The following UNC13C variants were observed in gnomAD, a reference collection of about 807,000 sequenced individuals.
UNC13C encodes protein unc-13 homolog C.
Under a neutral mutation model 245.4 loss-of-function variants are expected in UNC13C, and 174 were observed. The observed-to-expected ratio is 0.71, with a 90% CI of 0.63 to 0.80. UNC13C has a LOEUF of 0.80. Ranked by LOEUF, UNC13C falls within the 30% of genes least tolerant of loss-of-function variation. The probability of loss-of-function intolerance (pLI) is 0.00; values close to 1 mark genes in which losing one functional copy is unlikely to be tolerated. For missense variants in UNC13C, 2,829 were observed against 2,602.9 expected, an observed-to-expected ratio of 1.09 and a Z score of -1.89; for synonymous variants, 992 against 895.1, an observed-to-expected ratio of 1.11 and a Z score of -1.93.
chr15:54,186,890 C>A (rs541654776), intron 4 of UNC13C, among the ~76,000 whole-genome samples: 163 of 138,278 alleles, frequency 1.2e-3, no homozygotes, highest in African/African-American at 4.1e-3. Flanking sequence ...GCTCTGTCAC[C>A]GAGGCTGGAG....
chr15:54,098,137 A>G (rs1899971373), intron 2 of UNC13C, among the ~76,000 whole-genome samples: 1 of 152,152 alleles, frequency 6.6e-6, no homozygotes, highest in African/African-American at 2.4e-5. Flanking sequence ...GCTAAAGCAC[A>G]TCCTCCACTT....
intron 30 of UNC13C, among the ~76,000 whole-genome samples, chr15:54,568,814 TG>T (rs1897624995): frequency 6.6e-6 from 1 of 152,178 alleles, no homozygotes; most frequent in African/African-American, 2.4e-5. Flanking sequence ...GACTCATCAT[TG>T]TTTCCTCTTG....
chr15:54,624,928 T>C (rs953120942), intron 32 of UNC13C, among the ~76,000 whole-genome samples: 7 of 152,158 alleles, frequency 4.6e-5, no homozygotes, highest in Non-Finnish European at 1.0e-4. Context: ...GCTATTACCA[T>C]ACTTATGCCT....
the UNC13C span, chr15:53,968,171 G>A: frequency 1.3e-5 from 2 of 152,142 alleles, no homozygotes; most frequent in Non-Finnish European, 2.9e-5. Flanking sequence ...AGGGAAAGGT[G>A]ATCCAACTCA....
At chr15:53,949,904 A>T in the UNC13C span, among the ~76,000 whole-genome samples, 1 of 152,224 alleles carries the variant, frequency 6.6e-6, no homozygotes, top group Non-Finnish European at 1.5e-5. Context: ...TCTTATAATA[A>T]ATTCAGGTTT....
rs761666317 is a variant in UNC13C at position 54,511,812 on chromosome 15, A to G, written c.5439A>G (p.Glu1813=). Residue 1813 remains glutamate (E), a synonymous_variant, in exon 24 of 33, where the codon GAA becomes GAG. Coordinates refer to ENST00000260323, the MANE Select transcript of UNC13C (RefSeq NM_001080534.3). ...QLRVQLEKMF[E]SMGGKELDSE... is the part of the protein sequence containing the mutation. ...GGGTCCAGCTGGAAAAAATGTTTGA[A>G]TCCATGGGAGGGAAGGAGGTGGGTA... 6.2e-7 allele frequency: 1 copy of G among 1,609,504 alleles called. No homozygotes were observed. Among genetic ancestry groups the G allele is most frequent in the South Asian group, 1.1e-5 (1 of 90,134 alleles).
chr15:54,196,107 G>T (rs2141335521), intron 4 of UNC13C, among the ~76,000 whole-genome samples: 1 of 152,208 alleles, frequency 6.6e-6, no homozygotes, highest in East Asian at 1.9e-4. Context: ...ATGAATAGGA[G>T]ATGAGGTTTA....
At chr15:53,928,188 G>A in the UNC13C span, among the ~76,000 whole-genome samples, 1 of 152,034 alleles carries the variant, frequency 6.6e-6, no homozygotes, top group African/African-American at 2.4e-5. Context: ...TGAGAGCCCC[G>A]AACAGAGATA....
the UNC13C span, among the ~76,000 whole-genome samples, chr15:53,852,240 T>A: frequency 6.6e-6 from 1 of 152,178 alleles, no homozygotes; most frequent in Non-Finnish European, 1.5e-5. Context: ...CCCCACACAT[T>A]TGGTCACAGT....
At chr15:54,405,402 C>A (rs905275496) in intron 18 of UNC13C, among the ~76,000 whole-genome samples, 4 of 152,098 alleles carry the variant, frequency 2.6e-5, no homozygotes, top group African/African-American at 7.2e-5. Flanking sequence ...AGCAAATATG[C>A]AGATGGTATA....
intron 1 of UNC13C, among the ~76,000 whole-genome samples, chr15:53,986,044 A>G (rs999632434): frequency 6.6e-6 from 1 of 152,080 alleles, no homozygotes; most frequent in African/African-American, 2.4e-5. Flanking sequence ...AATTATGGAA[A>G]GAAATCCAGG....
intron 17 of UNC13C, among the ~76,000 whole-genome samples, chr15:54,363,676 G>A (rs1180987441): frequency 2.0e-5 from 3 of 152,296 alleles, no homozygotes; most frequent in African/African-American, 7.2e-5. Context: ...ACTAATTGGA[G>A]GGGTGAGACT....
At chr15:53,941,659 T>A in the UNC13C span, among the ~76,000 whole-genome samples, 23 of 152,072 alleles carry the variant, frequency 1.5e-4, no homozygotes, top group South Asian at 4.8e-3. Context: ...GTGTAATCTA[T>A]CCATCTGACA....
At chr15:54,503,207 GT>G (rs1894307088) in intron 22 of UNC13C, among the ~76,000 whole-genome samples, 1 of 152,078 alleles carries the variant, frequency 6.6e-6, no homozygotes, top group Admixed American at 6.6e-5. Flanking sequence ...AGGATATAGT[GT>G]AAGAACAATG....
chr15:54,083,792 T>C (rs867496576), intron 2 of UNC13C, among the ~76,000 whole-genome samples: 2 of 152,146 alleles, frequency 1.3e-5, no homozygotes, highest in Non-Finnish European at 2.9e-5. Context: ...GAGGGGATTA[T>C]AAGGTATGTT....
intron 19 of UNC13C, among the ~76,000 whole-genome samples, chr15:54,449,123 G>A (rs1379382074): frequency 1.3e-5 from 2 of 152,140 alleles, no homozygotes; most frequent in Non-Finnish European, 2.9e-5. Flanking sequence ...TCTGGCTTGT[G>A]GAGTTTCTGC....
rs140925902 is a variant in UNC13C, at chr15:54,188,297, T to C, written c.3071+44613T>C. On this transcript the variant is annotated intron_variant, in intron 4 of 32. Coordinates refer to ENST00000260323, the MANE Select transcript of UNC13C (RefSeq NM_001080534.3). ...AGGTACACACTGACCTTGTTTTGGA[T>C]AAACCCAAAATGTATTAAATAATTT... Among the ~76,000 whole-genome samples the C allele has an allele frequency of 6.2e-3, 947 of 152,308 alleles. 9 individuals carry two copies. Among genetic ancestry groups the C allele is most frequent in the Non-Finnish European group, 8.2e-3 (556 of 68,024 alleles).
chr15:54,445,228 G>A (rs1415496156), intron 19 of UNC13C, among the ~76,000 whole-genome samples: 1 of 151,932 alleles, frequency 6.6e-6, no homozygotes, highest in Non-Finnish European at 1.5e-5. Context: ...TCAGACATTT[G>A]GGTTGGATCC....
intron 13 of UNC13C, among the ~76,000 whole-genome samples, chr15:54,312,427 T>C (rs558833077): frequency 1.3e-4 from 19 of 151,750 alleles, no homozygotes; most frequent in Non-Finnish European, 2.7e-4. Context: ...TGGGGGAAAA[T>C]ATTTTTTAGC....
Sources: allele counts gnomAD v4.1 joint callset (sites outside exome capture counted in the v4.1 genomes callset), GRCh38; gene constraint gnomAD v4.1.1; transcripts MANE v1.5; gene names NCBI Gene and HGNC (gene_info 2026-07-23, HGNC 2026-07-21).